The following CHCHD3 variants were observed in gnomAD, a reference collection of about 807,000 sequenced individuals.
CHCHD3 encodes coiled-coil-helix-coiled-coil-helix domain containing 3.
CHCHD3 carries 20 observed loss-of-function variants against 38.2 expected under a neutral mutation model. That is an observed-to-expected ratio of 0.52 (90% CI 0.37 to 0.76). The LOEUF is 0.76. CHCHD3 is among the 30% of genes least tolerant of loss of function. The pLI is 0.00. For synonymous variants in CHCHD3, 82 were observed against 100.0 expected (o/e 0.82, Z 1.07); for missense variants, 245 against 279.2 (o/e 0.88, Z 0.87).
At chr7:132,967,667 A>AAATAAAAAAAAT (rs1554395368) in intron 4 of CHCHD3, among the ~76,000 whole-genome samples, 1 of 141,156 alleles carries the variant, frequency 7.1e-6, no homozygotes, top group African/African-American at 2.7e-5. Context: ...ATAAATAAAT[A>AAATAAAAAAAAT]AAATAAAACA....
At chr7:133,058,792 T>C (rs1022693929) in intron 2 of CHCHD3, among the ~76,000 whole-genome samples, 3 of 152,226 alleles carry the variant, frequency 2.0e-5, no homozygotes, top group African/African-American at 7.2e-5. Flanking sequence ...TCCCTGTGAC[T>C]GTAGCACACG....
chr7:132,989,481 T>A (rs987467672), intron 3 of CHCHD3, among the ~76,000 whole-genome samples: 1 of 152,172 alleles, frequency 6.6e-6, no homozygotes, highest in Non-Finnish European at 1.5e-5. Context: ...TAACTAGCTT[T>A]CATCTCCCCC....
intron 6 of CHCHD3, 78 bp from the exon 7 acceptor site, chr7:132,796,655 C>T (rs535415039): frequency 3.8e-5 from 50 of 1,309,202 alleles, no homozygotes; most frequent in South Asian, 1.3e-4. Flanking sequence ...ACACATAAAA[C>T]GCACAGTAAG....
chr7:132,815,421 G>C, intron 6 of CHCHD3: 1 of 346,842 alleles, frequency 2.9e-6, no homozygotes. Flanking sequence ...AAAGGAAATG[G>C]CAGGAATGAC....
Position 132,796,592 on chromosome 7 carries a change from AG to A in CHCHD3, c.525-16del. The A allele has an allele frequency of 6.2e-7, 1 of 1,612,944 alleles. No individual in the cohort carries two copies. The highest frequency in any genetic ancestry group is 8.5e-7 in the Non-Finnish European group (1 of 1,179,094). ...ACTCATATCGCCTGAAAACAAACAC[AG>A]GGACCGCTGAGACCAATGGTCTTCA... On this transcript the variant is annotated splice_polypyrimidine_tract_variant and intron_variant, in intron 6 of 7. Coordinates refer to ENST00000262570, the MANE Select transcript of CHCHD3 (RefSeq NM_017812.4).
At chr7:132,873,630 C>T (rs1359980400) in intron 5 of CHCHD3, among the ~76,000 whole-genome samples, 2 of 151,946 alleles carry the variant, frequency 1.3e-5, no homozygotes, top group African/African-American at 4.8e-5. Flanking sequence ...TCTTTCCCAA[C>T]AATCTTGGAA....
chr7:132,896,801 A>G (rs1027146424), intron 4 of CHCHD3, among the ~76,000 whole-genome samples: 7 of 152,238 alleles, frequency 4.6e-5, no homozygotes, highest in African/African-American at 1.7e-4. Flanking sequence ...GCTACATTCT[A>G]TAAAACAAAT....
intron 2 of CHCHD3, chr7:133,034,711 G>T (rs775883821): frequency 3.8e-5 from 62 of 1,613,284 alleles, no homozygotes; most frequent in Admixed American, 6.7e-5. Context: ...TCTCTGCCAG[G>T]ATCCAGTTTC....
At chr7:132,857,942 CG>C (rs1265807035) in intron 5 of CHCHD3, among the ~76,000 whole-genome samples, 1 of 152,206 alleles carries the variant, frequency 6.6e-6, no homozygotes, top group East Asian at 1.9e-4. Flanking sequence ...GGATAACTCC[CG>C]TCTTCTGGGA....
intron 2 of CHCHD3, among the ~76,000 whole-genome samples, chr7:133,037,351 C>T (rs1382754594): frequency 1.3e-5 from 2 of 152,104 alleles, no homozygotes; most frequent in Admixed American, 6.5e-5. Flanking sequence ...TGTCCAAAAA[C>T]AGTGAAATGG....
chr7:133,061,365 A>C (rs1180708912), intron 2 of CHCHD3, among the ~76,000 whole-genome samples: 1 of 152,144 alleles, frequency 6.6e-6, no homozygotes, highest in Non-Finnish European at 1.5e-5. Flanking sequence ...GTAACATAAT[A>C]AATTGGGAAA....
At chr7:133,052,548 A>G (rs1814197590) in intron 2 of CHCHD3, among the ~76,000 whole-genome samples, 1 of 152,258 alleles carries the variant, frequency 6.6e-6, no homozygotes, top group African/African-American at 2.4e-5. Flanking sequence ...CTTTGGCATT[A>G]GCCTGTACTG....
chr7:132,881,238 G>T (rs1352373557), intron 5 of CHCHD3, among the ~76,000 whole-genome samples: 2 of 152,074 alleles, frequency 1.3e-5, no homozygotes, highest in Non-Finnish European at 2.9e-5. Flanking sequence ...CAGACTCCTG[G>T]GTGAAGTGGC....
intron 5 of CHCHD3, among the ~76,000 whole-genome samples, chr7:132,856,292 T>C (rs898840617): frequency 6.6e-6 from 1 of 152,166 alleles, no homozygotes; most frequent in Non-Finnish European, 1.5e-5. Flanking sequence ...AGGCAGACAC[T>C]GGGGATTTAG....
At chr7:132,863,128 G>A (rs1808535555) in intron 5 of CHCHD3, among the ~76,000 whole-genome samples, 1 of 152,144 alleles carries the variant, frequency 6.6e-6, no homozygotes. Context: ...GGTTTTCAAT[G>A]TACTTTTCCC....
At chr7:132,821,952 C>CG (rs1807389288) in intron 6 of CHCHD3, among the ~76,000 whole-genome samples, 1 of 151,850 alleles carries the variant, frequency 6.6e-6, no homozygotes, top group Admixed American at 6.6e-5. Flanking sequence ...TTAGTAGAGA[C>CG]GGGGTTTCAC....
chr7:133,082,013 T>C lies in CHCHD3; in HGVS notation c.-76A>G, dbSNP rs1429252316. 46 of 1,260,132 alleles carry C rather than the reference T, an allele frequency of 3.7e-5. No individual in the cohort carries two copies. Among genetic ancestry groups the C allele is most frequent in the Non-Finnish European group, 4.7e-5 (43 of 919,988 alleles). The allele number at this position is 1,260,132 out of a possible 1,614,324, so 78.1% of individuals were successfully genotyped here. On this transcript the variant is annotated 5_prime_UTR_variant, in exon 1 of 8. Transcript: ENST00000262570. ...CGGGGCCCCCGCACCCACACGCGCG[T>C]GGAAGGGCCTGGATTCTTTTCCCGC... is the stretch of plus-strand genomic sequence containing the variant.
At chr7:132,846,701 C>G (rs879385975) in intron 5 of CHCHD3, among the ~76,000 whole-genome samples, 1 of 152,142 alleles carries the variant, frequency 6.6e-6, no homozygotes, top group Admixed American at 6.5e-5. Flanking sequence ...AGAGTGACAC[C>G]TGCAATTCTA....
At position 132,805,907 on chromosome 7, in the gene CHCHD3, G is replaced by A. The variant is rs150278170; in HGVS notation, c.525-9330C>T. On this transcript the variant is annotated intron_variant, in intron 6 of 7. Coordinates refer to ENST00000262570, the MANE Select transcript of CHCHD3 (RefSeq NM_017812.4). Reference sequence around the variant, plus strand: ...TAAAGAATAAACATGCTCGAGTAATGACAGGAAGCTCAAGTGGAAATGACA... The same window carrying A: ...TAAAGAATAAACATGCTCGAGTAATAACAGGAAGCTCAAGTGGAAATGACA... Among the ~76,000 whole-genome samples, 20 of 152,312 alleles carry A rather than the reference G, an allele frequency of 1.3e-4. No individual in the cohort carries two copies. In the East Asian group the frequency reaches 3.9e-3, roughly 29 times the overall value.
Sources: gnomAD v4.1 joint callset for allele counts (sites outside exome capture counted in the v4.1 genomes callset) on GRCh38, gnomAD v4.1.1 for gene constraint, MANE v1.5 for transcripts, NCBI Gene and HGNC (gene_info 2026-07-23, HGNC 2026-07-21) for gene names.